The following EMILIN2 variants were observed in gnomAD, a reference collection of about 807,000 sequenced individuals.
The protein encoded by EMILIN2 is EMILIN-2.
In EMILIN2, 71 loss-of-function variants were observed where a neutral mutation model predicts 87.1. The observed-to-expected ratio is 0.82, with a 90% CI of 0.67 to 0.99. The LOEUF (loss-of-function observed/expected upper bound fraction) is 0.99. Ranked by LOEUF, EMILIN2 falls within the 50% of genes least tolerant of loss-of-function variation. EMILIN2 has a pLI of 0.00. For missense variants in EMILIN2, 1,407 were observed against 1,371.8 expected (o/e 1.03, Z -0.40); for synonymous variants, 581 against 563.4 (o/e 1.03, Z -0.44).
chr18:2,906,882 CTGGG>C lies in EMILIN2; in HGVS notation c.2460_2463del (p.Gly821AspfsTer74). 2 of 1,392,920 alleles carry C rather than the reference CTGGG, an allele frequency of 1.4e-6. No homozygotes were observed. The highest frequency in any genetic ancestry group is 1.9e-6 in the Non-Finnish European group (2 of 1,071,772). 86.3% of individuals were successfully genotyped at this position (1,392,920 alleles called of 1,614,324 possible). A position where few individuals can be genotyped will look rare whatever the true frequency, so the allele number is the denominator to read the frequency against. The stretch of plus-strand genomic sequence containing the variant: ...AGCGGCCCCGCAACCGCAGAGGACC[CTGGG>C]CGACGGCCCGTCCTGCCCCAGCGGC... On this transcript the variant is annotated frameshift_variant, in exon 5 of 8. Coordinates refer to ENST00000254528, the MANE Select transcript of EMILIN2 (RefSeq NM_032048.3). LOFTEE classifies it high-confidence loss of function.
intron 2 of EMILIN2, among the ~76,000 whole-genome samples, chr18:2,858,666 C>T (rs1000973114): frequency 1.3e-5 from 2 of 148,444 alleles, no homozygotes; most frequent in Non-Finnish European, 3.0e-5. Flanking sequence ...CTGATTCTCA[C>T]TCTGTTGCCC....
intron 3 of EMILIN2, among the ~76,000 whole-genome samples, chr18:2,889,124 C>CTTTTTTTTTTTTTTTTTTTTT (rs1555668457): frequency 8.6e-6 from 1 of 115,742 alleles, no homozygotes; most frequent in African/African-American, 3.4e-5. Flanking sequence ...CTTTTCATTT[C>CTTTTTTTTTTTTTTTTTTTTT]TTTCTTTTCT....
chr18:2,889,547 A>G (rs1347417463), intron 3 of EMILIN2, among the ~76,000 whole-genome samples: 1 of 152,042 alleles, frequency 6.6e-6, no homozygotes, highest in East Asian at 1.9e-4. Context: ...CTATCAATTT[A>G]TCTTCATTTT....
chr18:2,865,550 T>C (rs1225401495), intron 2 of EMILIN2, among the ~76,000 whole-genome samples: 3 of 152,228 alleles, frequency 2.0e-5, no homozygotes, highest in Admixed American at 2.0e-4. Context: ...CAAATGTTGC[T>C]GGCTGATCGT....
rs1196088268 is a variant in EMILIN2, at chr18:2,914,645, G to A, written c.*1241G>A. 1 of 152,164 alleles carries A rather than the reference G, an allele frequency of 6.6e-6. No individual in the cohort carries two copies. The highest frequency in any genetic ancestry group is 2.4e-5 in the African/African-American group (1 of 41,432). The allele number at this position is 152,164 out of a possible 1,614,324, so 9.4% of individuals were successfully genotyped here. On this transcript the variant is annotated 3_prime_UTR_variant, in exon 8 of 8. Coordinates refer to ENST00000254528, the MANE Select transcript of EMILIN2 (RefSeq NM_032048.3). ...ACCTACTGGTTAATCAAGTCCCACT[G>A]GGGAAAGGTTTGGACGGTAGAATCA... is the stretch of plus-strand genomic sequence containing the variant.
chr18:2,906,785 G>GCGCCCT lies in EMILIN2; in HGVS notation c.2368_2373dup (p.Ser790_Pro791dup), dbSNP rs2076914862. ...TCTTTCTCCCCGACGCCCGGCAGAG[G>GCGCCCT]CGCCCTCGCCCCCGCCGCCCGCAGA... On this transcript the variant is annotated inframe_insertion, in exon 5 of 8. Transcript: ENST00000254528. 7.9e-7 allele frequency: 1 copy of GCGCCCT among 1,262,094 alleles called. No homozygotes were observed. Among genetic ancestry groups the GCGCCCT allele is most frequent in the Admixed American group, 4.3e-5 (1 of 23,336 alleles). 78.2% of individuals were successfully genotyped at this position (1,262,094 alleles called of 1,614,324 possible).
chr18:2,907,114 C>G, intron 5 of EMILIN2, 29 bp downstream of exon 5: 1 of 1,231,064 alleles, frequency 8.1e-7, no homozygotes, highest in South Asian at 3.9e-5. Context: ...CGGGGAGGAG[C>G]GCGGGGCTCT....
chr18:2,873,873 G>A (rs1470279502), intron 2 of EMILIN2, among the ~76,000 whole-genome samples: 1 of 152,134 alleles, frequency 6.6e-6, no homozygotes, highest in East Asian at 1.9e-4. Context: ...AATTCCCAAG[G>A]CTTAGTGTCC....
In EMILIN2 at chr18:2,847,432, T is replaced by C. The variant is rs2076580646; in HGVS notation, c.134+110T>C. 1 of 1,144,052 alleles carries C rather than the reference T, an allele frequency of 8.7e-7. No homozygotes were observed. Among genetic ancestry groups the C allele is most frequent in the African/African-American group, 1.6e-5 (1 of 61,618 alleles). The allele number at this position is 1,144,052 out of a possible 1,614,324, so 70.9% of individuals were successfully genotyped here. A position where few individuals can be genotyped will look rare whatever the true frequency, so the allele number is the denominator to read the frequency against. On this transcript the variant is annotated intron_variant, in intron 1 of 7. Transcript: ENST00000254528. This position sits in a 1 kb window ranked among gnomAD's most constrained non-coding sequence, Gnocchi z 4.5. ...GACGAGCGGCAGCCGGGGGCCTCCC[T>C]TGGACTTCCCCGGGCGGCTCCCTCT...
intron 2 of EMILIN2, among the ~76,000 whole-genome samples, chr18:2,854,085 G>A (rs1034177611): frequency 3.3e-5 from 5 of 152,140 alleles, no homozygotes; most frequent in African/African-American, 9.7e-5. Flanking sequence ...GGTGAGGCAG[G>A]ATTATTCCCT....
chr18:2,852,739 G>A (rs1199758102), intron 2 of EMILIN2, among the ~76,000 whole-genome samples: 2 of 152,116 alleles, frequency 1.3e-5, no homozygotes, highest in Admixed American at 6.6e-5. Context: ...GACTGCTCTC[G>A]AACTCCTGAC....
chr18:2,865,198 A>G (rs2143977516), intron 2 of EMILIN2, among the ~76,000 whole-genome samples: 1 of 151,824 alleles, frequency 6.6e-6, no homozygotes. Context: ...TGATCTTCTG[A>G]AGCCTTCTTC....
At chr18:2,864,435 G>A (rs1318275694) in intron 2 of EMILIN2, among the ~76,000 whole-genome samples, 3 of 152,094 alleles carry the variant, frequency 2.0e-5, no homozygotes, top group Non-Finnish European at 4.4e-5. Flanking sequence ...AAATCTCTCA[G>A]CATTTGCTTG....
At chr18:2,866,739 G>A (rs1203426718) in intron 2 of EMILIN2, among the ~76,000 whole-genome samples, 1 of 152,154 alleles carries the variant, frequency 6.6e-6, no homozygotes, top group Non-Finnish European at 1.5e-5. Context: ...ATGTTGAATA[G>A]AGAAGTGGTG....
In EMILIN2 at chr18:2,847,176, C is replaced by G; in HGVS notation, c.-13C>G. On this transcript the variant is annotated 5_prime_UTR_variant, in exon 1 of 8. Transcript: ENST00000254528. The surrounding 1 kb of genome is among the most constrained non-coding windows in gnomAD (Gnocchi z 4.5). ...CGGACCCGGGCAGGCGGGGCGCGCC[C>G]GCTGCGCGCGGGATGTGGCAGCCCA... The G allele has an allele frequency of 9.0e-7, 1 of 1,108,886 alleles. No individual in the cohort carries two copies. The highest frequency in any genetic ancestry group is 1.1e-6 in the Non-Finnish European group (1 of 913,794). The allele number at this position is 1,108,886 out of a possible 1,614,324, so 68.7% of individuals were successfully genotyped here. A position where few individuals can be genotyped will look rare whatever the true frequency, so the allele number is the denominator to read the frequency against.
chr18:2,876,591 C>T lies in EMILIN2; in HGVS notation c.258-8373C>T, dbSNP rs185876886. Among the ~76,000 whole-genome samples, 654 of 141,076 alleles carry T rather than the reference C, an allele frequency of 4.6e-3. 8 individuals are homozygous for T. Among genetic ancestry groups the T allele is most frequent in the African/African-American group, 0.016 (622 of 38,272 alleles). 92.6% of individuals were successfully genotyped at this position (141,076 alleles called of 152,430 possible). A position where few individuals can be genotyped will look rare whatever the true frequency, so the allele number is the denominator to read the frequency against. On this transcript the variant is annotated intron_variant, in intron 2 of 7. Coordinates refer to ENST00000254528, the MANE Select transcript of EMILIN2 (RefSeq NM_032048.3). The stretch of plus-strand genomic sequence containing the variant: ...ACCATCCTGGCTAACACGGTGAAAC[C>T]CCGTCTCTACTAAAAATACAAAAAA...
At position 2,890,512 on chromosome 18, in the gene EMILIN2, G is replaced by C. The variant is rs373491891; in HGVS notation, c.434-49G>C. ...TTGTTTATTGTCTTGGCAGAATCTG[G>C]CTAAAGGTAGAAAATGTTCATTCAT... On this transcript the variant is annotated intron_variant, in intron 3 of 7. Coordinates refer to ENST00000254528, the MANE Select transcript of EMILIN2 (RefSeq NM_032048.3). The surrounding 1 kb of genome is among the most constrained non-coding windows in gnomAD (Gnocchi z 4.7). The C allele has an allele frequency of 6.6e-7, 1 of 1,515,162 alleles. No homozygotes were observed. The highest frequency in any genetic ancestry group is 8.8e-7 in the Non-Finnish European group (1 of 1,132,008). The allele number at this position is 1,515,162 out of a possible 1,614,324, so 93.9% of individuals were successfully genotyped here. A position where few individuals can be genotyped will look rare whatever the true frequency, so the allele number is the denominator to read the frequency against.
intron 5 of EMILIN2, 145 bp downstream of exon 5, chr18:2,907,230 G>C (rs2076918955): frequency 4.3e-6 from 4 of 936,426 alleles, no homozygotes; most frequent in Admixed American, 8.7e-5. Flanking sequence ...AGGATGCCGA[G>C]GCCCGAGGGA....
intron 2 of EMILIN2, among the ~76,000 whole-genome samples, chr18:2,860,065 T>A (rs2076652569): frequency 6.6e-6 from 1 of 152,182 alleles, no homozygotes; most frequent in East Asian, 1.9e-4. Context: ...TCTTTTTTGG[T>A]TCTATAAGAA....
Sources: allele counts gnomAD v4.1 joint callset (sites outside exome capture counted in the v4.1 genomes callset), GRCh38; gene constraint gnomAD v4.1.1; non-coding constraint Gnocchi (gnomAD v3.1); transcripts MANE v1.5; gene names NCBI Gene and HGNC (gene_info 2026-07-23, HGNC 2026-07-21).